C3orf85: variants seen among roughly 807,000 people sequenced by gnomAD.
C3orf85 encodes the protein chromosome 3 open reading frame 85.
C3orf85 carries 1 observed loss-of-function variant against 1.7 expected under a neutral mutation model. The ratio of observed to expected loss-of-function variants is 0.60; its 90% confidence interval spans 0.21 to 2.86. The LOEUF (loss-of-function observed/expected upper bound fraction) is 2.86. Ranked by LOEUF, C3orf85 falls within the 30% of genes most tolerant of loss-of-function variation. C3orf85 has a pLI of 0.22. For synonymous variants in C3orf85, 17 were observed against 8.0 expected (o/e 2.13, Z -1.90); for missense variants, 29 against 21.3 (o/e 1.36, Z -0.72).
rs1706857785 is a variant in C3orf85, at chr3:109,150,508, T to G, written c.*614T>G. 6.6e-6 allele frequency: 1 copy of G among 152,224 alleles called. No homozygotes were observed. The highest frequency in any genetic ancestry group is 6.5e-5 in the Admixed American group (1 of 15,274). 9.4% of individuals were successfully genotyped at this position (152,224 alleles called of 1,614,324 possible). Reference sequence around the variant, plus strand: ...ACTTCTTCCAAGTTTTGTAAAATTTTTGTAAGCTTTGCATTCTGTTCCACA... The same window carrying G: ...ACTTCTTCCAAGTTTTGTAAAATTTGTGTAAGCTTTGCATTCTGTTCCACA... On this transcript the variant is annotated 3_prime_UTR_variant, in exon 4 of 4. Coordinates refer to ENST00000622536, the MANE Select transcript of C3orf85 (RefSeq NM_001351622.2).
chr3:109,141,890 G>A (rs192108763), intron 2 of C3orf85, among the ~76,000 whole-genome samples: 5 of 152,110 alleles, frequency 3.3e-5, no homozygotes, highest in South Asian at 2.1e-4. Flanking sequence ...TTAGCCAGGC[G>A]TGGTGGTGCA....
chr3:109,143,687 A>T (rs1236919656), intron 2 of C3orf85, among the ~76,000 whole-genome samples: 2 of 152,200 alleles, frequency 1.3e-5, no homozygotes, highest in Non-Finnish European at 2.9e-5. Flanking sequence ...TACATTCCAG[A>T]TCAAAATATT....
At chr3:109,143,762 T>C (rs1259431988) in intron 2 of C3orf85, among the ~76,000 whole-genome samples, 1 of 152,122 alleles carries the variant, frequency 6.6e-6, no homozygotes, top group Non-Finnish European at 1.5e-5. Flanking sequence ...AAAATGGAAG[T>C]GTAGGAATAA....
rs1706862136 is a variant in C3orf85 at position 109,150,945 on chromosome 3, A to C, written c.*1051A>C. On this transcript the variant is annotated 3_prime_UTR_variant, in exon 4 of 4. Coordinates refer to ENST00000622536, the MANE Select transcript of C3orf85 (RefSeq NM_001351622.2). Reference sequence around the variant, plus strand: ...AAGTAAATCAGAAAAACCAAATGCCAAGAAGTTGACTGGAAGGACTTTGGC... The same window carrying C: ...AAGTAAATCAGAAAAACCAAATGCCCAGAAGTTGACTGGAAGGACTTTGGC... Among the ~76,000 whole-genome samples, 1 of 152,202 alleles carries C rather than the reference A, an allele frequency of 6.6e-6. No homozygotes were observed. The highest frequency in any genetic ancestry group is 1.9e-4 in the East Asian group (1 of 5,192).
chr3:109,146,966 T>TCCTAAATG (rs1706806639), intron 2 of C3orf85, among the ~76,000 whole-genome samples: 1 of 152,170 alleles, frequency 6.6e-6, no homozygotes, highest in African/African-American at 2.4e-5. Context: ...CACTAATACC[T>TCCTAAATG]CCTAAGTTTA....
intron 2 of C3orf85, among the ~76,000 whole-genome samples, chr3:109,139,554 T>C (rs2107832522): frequency 6.6e-6 from 1 of 152,364 alleles, no homozygotes; most frequent in South Asian, 2.1e-4. Context: ...TTTTGAACGC[T>C]ATTAAGATTT....
intron 2 of C3orf85, among the ~76,000 whole-genome samples, chr3:109,147,869 G>T (rs980547482): frequency 1.3e-5 from 2 of 152,168 alleles, no homozygotes; most frequent in Admixed American, 1.3e-4. Context: ...TACAGCAAGT[G>T]TGTGTGCATT....
At chr3:109,139,893 A>G (rs1264179945) in intron 2 of C3orf85, among the ~76,000 whole-genome samples, 1 of 152,176 alleles carries the variant, frequency 6.6e-6, no homozygotes, top group Non-Finnish European at 1.5e-5. Context: ...GTTTGTCTTG[A>G]AAGATTTTTG....
At chr3:109,148,641 T>C in intron 3 of C3orf85, 1 of 424,380 alleles carries the variant, frequency 2.4e-6, no homozygotes, top group Non-Finnish European at 4.2e-6. Flanking sequence ...TTTCCTTCTC[T>C]CCCTTTTTGC....
At chr3:109,137,637 G>GTGTGTATATGTATA (rs751674362) in intron 2 of C3orf85, among the ~76,000 whole-genome samples, 1 of 79,896 alleles carries the variant, frequency 1.3e-5, no homozygotes, top group Non-Finnish European at 2.6e-5. Context: ...GTGTGTGTGT[G>GTGTGTATATGTATA]TATATATATA....
At chr3:109,138,022 C>A (rs982520061) in intron 2 of C3orf85, among the ~76,000 whole-genome samples, 2 of 152,138 alleles carry the variant, frequency 1.3e-5, no homozygotes, top group African/African-American at 2.4e-5. Flanking sequence ...TAAAGCAATG[C>A]TGGCTGGTCC....
intron 2 of C3orf85, among the ~76,000 whole-genome samples, chr3:109,146,800 A>G (rs1032506880): frequency 6.6e-6 from 1 of 152,186 alleles, no homozygotes; most frequent in Non-Finnish European, 1.5e-5. Context: ...CGTCAGCCCT[A>G]TTAAATAAAA....
chr3:109,143,441 G>A (rs1290903383), intron 2 of C3orf85, among the ~76,000 whole-genome samples: 1 of 151,942 alleles, frequency 6.6e-6, no homozygotes, highest in Non-Finnish European at 1.5e-5. Context: ...GCCTGCAATG[G>A]GTACTCCCCA....
chr3:109,142,046 A>G (rs1408249334), intron 2 of C3orf85, among the ~76,000 whole-genome samples: 2 of 152,220 alleles, frequency 1.3e-5, no homozygotes, highest in Admixed American at 6.5e-5. Flanking sequence ...AAAATTACTT[A>G]ACAAAGAGAA....
At chr3:109,138,017 C>G (rs1471538800) in intron 2 of C3orf85, among the ~76,000 whole-genome samples, 4 of 152,114 alleles carry the variant, frequency 2.6e-5, no homozygotes, top group Non-Finnish European at 5.9e-5. Flanking sequence ...AAGGCTAAAG[C>G]AATGCTGGCT....
chr3:109,146,023 C>T (rs557468510), intron 2 of C3orf85, among the ~76,000 whole-genome samples: 1 of 152,190 alleles, frequency 6.6e-6, no homozygotes, highest in Non-Finnish European at 1.5e-5. Context: ...GTGTCCATGA[C>T]AGTATCAAAA....
chr3:109,144,451 C>A (rs1303686963), intron 2 of C3orf85, among the ~76,000 whole-genome samples: 2 of 152,188 alleles, frequency 1.3e-5, no homozygotes, highest in African/African-American at 4.8e-5. Context: ...GTGTTATCAT[C>A]ATCATCAATT....
At chr3:109,144,859 C>T (rs1706779587) in intron 2 of C3orf85, among the ~76,000 whole-genome samples, 1 of 152,116 alleles carries the variant, frequency 6.6e-6, no homozygotes. Flanking sequence ...TGCACAGCCA[C>T]TAATTTTGTT....
At chr3:109,136,785 C>A in intron 1 of C3orf85, 44 bp downstream of exon 1, 1 of 404,088 alleles carries the variant, frequency 2.5e-6, no homozygotes, top group Non-Finnish European at 4.4e-6. Flanking sequence ...ACCTGATATA[C>A]CCTAAGGCTT....
Sources: allele counts gnomAD v4.1 joint callset (sites outside exome capture counted in the v4.1 genomes callset), GRCh38; gene constraint gnomAD v4.1.1; transcripts MANE v1.5; gene names NCBI Gene and HGNC (gene_info 2026-07-23, HGNC 2026-07-21).